The following RBM47 variants were observed in gnomAD, a reference collection of about 807,000 sequenced individuals.
RBM47 encodes the protein RNA-binding protein 47.
RBM47 carries 21 observed loss-of-function variants against 47.1 expected under a neutral mutation model. The ratio of observed to expected loss-of-function variants is 0.45; its 90% confidence interval spans 0.32 to 0.64. The LOEUF (loss-of-function observed/expected upper bound fraction) is 0.64. Among genes scored for constraint, RBM47 ranks in the 30% least tolerant of loss-of-function variants. The pLI is 0.05. For missense variants in RBM47, 708 were observed against 870.9 expected (o/e 0.81, Z 2.35); for synonymous variants, 375 against 361.7 (o/e 1.04, Z -0.42).
chr4:40,426,842 T>C (rs1354401763), intron 6 of RBM47: 1 of 152,296 alleles, frequency 6.6e-6, no homozygotes, highest in African/African-American at 2.4e-5. Context: ...ACCTTCTCTG[T>C]ACTGTATTCC....
chr4:40,436,686 G>T, intron 4 of RBM47, 39 bp from the exon 5 acceptor site: 1 of 1,595,070 alleles, frequency 6.3e-7, no homozygotes. Flanking sequence ...GCAACCAACA[G>T]TGACGGTGCT....
At chr4:40,550,988 A>G (rs1015877565) in intron 1 of RBM47, among the ~76,000 whole-genome samples, 4 of 152,072 alleles carry the variant, frequency 2.6e-5, no homozygotes, top group African/African-American at 9.7e-5. Flanking sequence ...TGTAACTAAC[A>G]AACAGCACTT....
chr4:40,605,048 GT>G, intron 1 of RBM47, among the ~76,000 whole-genome samples: 1 of 151,704 alleles, frequency 6.6e-6, no homozygotes, highest in Admixed American at 6.6e-5. Context: ...TTGTTAAGGA[GT>G]TTCGCTCTTG....
At chr4:40,555,309 C>T (rs1166881761) in intron 1 of RBM47, among the ~76,000 whole-genome samples, 3 of 152,186 alleles carry the variant, frequency 2.0e-5, no homozygotes, top group African/African-American at 4.8e-5. Flanking sequence ...TCAAGTAATC[C>T]GTCCATCTCA....
At chr4:40,596,171 C>G (rs950205409) in intron 1 of RBM47, among the ~76,000 whole-genome samples, 4 of 152,112 alleles carry the variant, frequency 2.6e-5, no homozygotes, top group African/African-American at 9.7e-5. Flanking sequence ...TGTCACAGGA[C>G]AAATGGAATT....
intron 3 of RBM47, among the ~76,000 whole-genome samples, chr4:40,460,564 A>C (rs1275577938): frequency 6.6e-6 from 1 of 152,140 alleles, no homozygotes; most frequent in Non-Finnish European, 1.5e-5. Flanking sequence ...AATCCCAGCT[A>C]CTTGGGAGGC....
At chr4:40,586,786 C>T (rs1253846644) in intron 1 of RBM47, among the ~76,000 whole-genome samples, 7 of 151,750 alleles carry the variant, frequency 4.6e-5, no homozygotes, top group Non-Finnish European at 7.4e-5. Flanking sequence ...ACTTTCATGA[C>T]GGGTGTCTTC....
At chr4:40,490,416 T>TAATAA (rs1721712817) in intron 2 of RBM47, among the ~76,000 whole-genome samples, 1 of 152,112 alleles carries the variant, frequency 6.6e-6, no homozygotes, top group South Asian at 2.1e-4. Flanking sequence ...TTATTAGAAC[T>TAATAA]AATAATCAAG....
At chr4:40,444,606 G>T (rs547052754) in intron 3 of RBM47, among the ~76,000 whole-genome samples, 1 of 151,614 alleles carries the variant, frequency 6.6e-6, no homozygotes, top group Non-Finnish European at 1.5e-5. Flanking sequence ...TGCTTGCTAC[G>T]TATAATAGTT....
At chr4:40,586,037 G>A (rs1367553793) in intron 1 of RBM47, among the ~76,000 whole-genome samples, 6 of 152,210 alleles carry the variant, frequency 3.9e-5, no homozygotes, top group Non-Finnish European at 8.8e-5. Context: ...CAGCCCGAGT[G>A]TTACTAAATG....
chr4:40,541,185 G>A (rs1189764863), intron 2 of RBM47, among the ~76,000 whole-genome samples: 2 of 150,852 alleles, frequency 1.3e-5, no homozygotes, highest in East Asian at 3.9e-4. Flanking sequence ...AGAATTGCTT[G>A]AGCCCAGGAG....
intron 1 of RBM47, among the ~76,000 whole-genome samples, chr4:40,624,860 C>CTTTTTTTTTTTTTT (rs1172791380): frequency 1.6e-4 from 19 of 119,654 alleles, no homozygotes; most frequent in East Asian, 4.9e-4. Flanking sequence ...TTTTCTTTTT[C>CTTTTTTTTTTTTTT]TTTTTTTTTT....
chr4:40,484,355 G>C (rs571583973), intron 2 of RBM47, among the ~76,000 whole-genome samples: 1 of 151,784 alleles, frequency 6.6e-6, no homozygotes, highest in East Asian at 1.9e-4. Context: ...TCTCCATTTC[G>C]ACCCATCATT....
intron 2 of RBM47, among the ~76,000 whole-genome samples, chr4:40,520,450 C>A (rs1469288862): frequency 6.6e-6 from 1 of 151,476 alleles, no homozygotes; most frequent in Non-Finnish European, 1.5e-5. Flanking sequence ...TCGCCCCAGG[C>A]CTATTCCAAA....
At chr4:40,600,654 A>G (rs1206517036) in intron 1 of RBM47, among the ~76,000 whole-genome samples, 2 of 147,326 alleles carry the variant, frequency 1.4e-5, no homozygotes, top group South Asian at 2.2e-4. Context: ...AAAAGCAAGC[A>G]GAAGTAGGCT....
chr4:40,463,510 C>T (rs1054747243), intron 3 of RBM47, among the ~76,000 whole-genome samples: 3 of 152,102 alleles, frequency 2.0e-5, no homozygotes, highest in African/African-American at 4.8e-5. Flanking sequence ...CCACATGAGC[C>T]AGCAGCTTCT....
intron 1 of RBM47, among the ~76,000 whole-genome samples, chr4:40,620,600 A>G (rs1276347682): frequency 6.6e-6 from 1 of 152,228 alleles, no homozygotes; most frequent in Admixed American, 6.5e-5. Context: ...TACTGGTTCT[A>G]TATTTTAGTA....
chr4:40,432,687 AGCGGCTGCG>A lies in RBM47; in HGVS notation c.1497_1505del (p.Ala500_Ala502del), dbSNP rs547575066. 4.7e-4 allele frequency: 749 copies of A among 1,610,110 alleles called. 2 individuals carry two copies. The highest frequency in any genetic ancestry group is 3.0e-3 in the South Asian group (268 of 90,822). ...GTGGCGTCGACACAGTGGGAATGAC[AGCGGCTGCG>A]GCGGCTGCGGCCGCGGCTGCGGCGG... On this transcript the variant is annotated inframe_deletion, in exon 6 of 7. Transcript: ENST00000295971.
At chr4:40,554,026 A>T (rs1210107608) in intron 1 of RBM47, among the ~76,000 whole-genome samples, 1 of 152,152 alleles carries the variant, frequency 6.6e-6, no homozygotes, top group Non-Finnish European at 1.5e-5. Flanking sequence ...AGAAATGGTG[A>T]ACATCAGGAG....
Sources: gnomAD v4.1 joint callset for allele counts (sites outside exome capture counted in the v4.1 genomes callset) on GRCh38, gnomAD v4.1.1 for gene constraint, MANE v1.5 for transcripts, NCBI Gene and HGNC (gene_info 2026-07-23, HGNC 2026-07-21) for gene names.